SH3GLB1: variants seen among roughly 807,000 people sequenced by gnomAD.
SH3GLB1 encodes SH3 domain containing GRB2 like, endophilin B1.
SH3GLB1 carries 17 observed loss-of-function variants against 42.0 expected under a neutral mutation model. The ratio of observed to expected loss-of-function variants is 0.40; its 90% CI spans 0.28 to 0.61. The LOEUF is 0.61. Among genes scored for constraint, SH3GLB1 ranks in the 20% least tolerant of loss-of-function variants. The pLI, the probability that SH3GLB1 is intolerant of heterozygous loss-of-function variation, is 0.36. For missense variants in SH3GLB1, 355 were observed against 426.3 expected, an observed-to-expected ratio of 0.83 and a Z score of 1.47; for synonymous variants, 132 against 146.6, an observed-to-expected ratio of 0.90 and a Z score of 0.72.
chr1:86,719,939 T>C (rs972030342), intron 3 of SH3GLB1, among the ~76,000 whole-genome samples: 3 of 136,586 alleles, frequency 2.2e-5, no homozygotes, highest in Non-Finnish European at 4.5e-5. Context: ...GAGCTTGCAG[T>C]GAGCCAAGAT....
chr1:86,724,483 C>A, intron 5 of SH3GLB1, 78 bp downstream of exon 5: 1 of 1,125,572 alleles, frequency 8.9e-7, no homozygotes, highest in Admixed American at 2.6e-5. Flanking sequence ...ATGAAAGATA[C>A]AGACTATTAA....
intron 1 of SH3GLB1, among the ~76,000 whole-genome samples, chr1:86,715,143 A>G (rs1029859024): frequency 1.3e-5 from 2 of 152,208 alleles, no homozygotes; most frequent in Admixed American, 6.5e-5. Context: ...TTAAAGTGCT[A>G]ATAAGACATA....
intron 3 of SH3GLB1, 77 bp from the exon 4 acceptor site, chr1:86,722,463 T>C (rs1654919658): frequency 7.3e-6 from 10 of 1,374,218 alleles, no homozygotes; most frequent in South Asian, 3.1e-5. Flanking sequence ...ACAGACCAAA[T>C]TGCTGATTTA....
chr1:86,724,892 A>AAAAAAAAAAAATATATATATATATATAT (rs1291454820), intron 5 of SH3GLB1, among the ~76,000 whole-genome samples: 1 of 99,700 alleles, frequency 1.0e-5, no homozygotes, highest in South Asian at 3.0e-4. Flanking sequence ...AAAAAAAAAA[A>AAAAAAAAAAAATATATATATATATATAT]ATATATATAT....
At chr1:86,736,430 A>T (rs1206174401) in intron 7 of SH3GLB1, among the ~76,000 whole-genome samples, 1 of 152,236 alleles carries the variant, frequency 6.6e-6, no homozygotes, top group African/African-American at 2.4e-5. Flanking sequence ...CCTAATCATT[A>T]GTTATTTTAA....
intron 4 of SH3GLB1, among the ~76,000 whole-genome samples, chr1:86,723,274 G>A (rs1427890040): frequency 4.6e-5 from 7 of 152,164 alleles, no homozygotes; most frequent in African/African-American, 1.7e-4. Context: ...CACTTTGGGA[G>A]GTCAAGGTGG....
At chr1:86,709,981 T>C (rs1346771050) in intron 1 of SH3GLB1, among the ~76,000 whole-genome samples, 1 of 152,204 alleles carries the variant, frequency 6.6e-6, no homozygotes, top group Non-Finnish European at 1.5e-5. Context: ...TCCTATTTCT[T>C]TTACAGAATT....
At chr1:86,730,180 T>C in intron 5 of SH3GLB1, 1 of 1,540,992 alleles carries the variant, frequency 6.5e-7, no homozygotes, top group East Asian at 2.4e-5. Context: ...TAAATATGTA[T>C]TGGGCAACAA....
In SH3GLB1 at chr1:86,745,203, AT is replaced by A; in HGVS notation, c.*1969del. On this transcript the variant is annotated 3_prime_UTR_variant, in exon 9 of 9. Transcript: ENST00000370558. ...TTGTGCTCTTTAAGCTTCAAATGAG[AT>A]GTATAACTGCCTTTTCCTTACCAGT... 6.6e-6 allele frequency: 1 copy of A among 152,228 alleles called. No homozygotes were observed. Among genetic ancestry groups the A allele is most frequent in the Non-Finnish European group, 1.5e-5 (1 of 68,032 alleles). The allele number at this position is 152,228 out of a possible 1,614,324, so 9.4% of individuals were successfully genotyped here.
chr1:86,741,039 T>C (rs1656036378), intron 7 of SH3GLB1, among the ~76,000 whole-genome samples: 1 of 152,096 alleles, frequency 6.6e-6, no homozygotes, highest in Non-Finnish European at 1.5e-5. Context: ...TGTGCTATAG[T>C]TGAATAACAT....
intron 7 of SH3GLB1, among the ~76,000 whole-genome samples, chr1:86,736,243 A>T (rs765477505): frequency 1.3e-5 from 2 of 152,184 alleles, no homozygotes; most frequent in Admixed American, 6.5e-5. Context: ...GGAACCATTA[A>T]AGCAGGGGAG....
intron 5 of SH3GLB1, among the ~76,000 whole-genome samples, chr1:86,731,446 C>T (rs1299767642): frequency 1.3e-5 from 2 of 152,130 alleles, no homozygotes; most frequent in Non-Finnish European, 2.9e-5. Context: ...GCTCTTATCC[C>T]CCCTTTGTGA....
intron 7 of SH3GLB1, among the ~76,000 whole-genome samples, chr1:86,737,540 A>C (rs1457580902): frequency 6.6e-6 from 1 of 152,196 alleles, no homozygotes; most frequent in Non-Finnish European, 1.5e-5. Context: ...AGGTGGTCTT[A>C]ATTTTAGAGA....
Position 86,746,136 on chromosome 1 carries a change from C to T in SH3GLB1, c.*2901C>T, listed in dbSNP as rs1159770712. The T allele has an allele frequency of 6.6e-6, 1 of 152,574 alleles. No homozygotes were observed. Among genetic ancestry groups the T allele is most frequent in the Non-Finnish European group, 1.5e-5 (1 of 68,032 alleles). The allele number at this position is 152,574 out of a possible 1,614,324, so 9.5% of individuals were successfully genotyped here. A position where few individuals can be genotyped will look rare whatever the true frequency, so the allele number is the denominator to read the frequency against. The stretch of plus-strand genomic sequence containing the variant: ...AAATAAATCCTGAGGCCAGGATCAC[C>T]AGTGGGGTAGAGTCATCTTCATAGT... On this transcript the variant is annotated 3_prime_UTR_variant, in exon 9 of 9. Coordinates refer to ENST00000370558, the MANE Select transcript of SH3GLB1 (RefSeq NM_016009.5).
At chr1:86,726,335 A>G (rs1655192785) in intron 5 of SH3GLB1, among the ~76,000 whole-genome samples, 1 of 152,086 alleles carries the variant, frequency 6.6e-6, no homozygotes, top group Non-Finnish European at 1.5e-5. Context: ...ACAGTGTACA[A>G]AGTCCTTTAA....
chr1:86,704,678 C>G lies in SH3GLB1; in HGVS notation c.-222C>G. On this transcript the variant is annotated 5_prime_UTR_variant, in exon 1 of 9. Coordinates refer to ENST00000370558, the MANE Select transcript of SH3GLB1 (RefSeq NM_016009.5). ...CGTTAGCGGCCGTTCTCCGAGCCGA[C>G]TGACCCATCCTTGGCGCTGCCGCCG... The G allele has an allele frequency of 2.4e-6, 1 of 410,850 alleles. No homozygotes were observed. Among genetic ancestry groups the G allele is most frequent in the South Asian group, 3.4e-5 (1 of 29,624 alleles). The allele number at this position is 410,850 out of a possible 1,614,324, so 25.5% of individuals were successfully genotyped here. A position where few individuals can be genotyped will look rare whatever the true frequency, so the allele number is the denominator to read the frequency against.
intron 7 of SH3GLB1, among the ~76,000 whole-genome samples, chr1:86,740,314 A>G (rs1655995636): frequency 2.6e-5 from 4 of 152,242 alleles, no homozygotes; most frequent in Admixed American, 2.6e-4. Context: ...AAGTGAATGG[A>G]GTAGAGAAAT....
rs58927851 is a variant in SH3GLB1, at chr1:86,724,892, A to AAT, written c.570+507_570+508dup. On this transcript the variant is annotated intron_variant, in intron 5 of 8. Coordinates refer to ENST00000370558, the MANE Select transcript of SH3GLB1 (RefSeq NM_016009.5). Reference sequence around the variant, plus strand: ...CTGTCTTTAAAAAAAAAAAAAAAAAAATATATATATATATATATATAAAAT... The same window carrying AAT: ...CTGTCTTTAAAAAAAAAAAAAAAAAAATATATATATATATATATATATAAAAT... Among the ~76,000 whole-genome samples, 1,407 of 99,620 alleles carry AAT rather than the reference A, an allele frequency of 0.014. 74 individuals carry two copies. In the East Asian group the frequency reaches 0.18, roughly 13 times the overall value. The allele number at this position is 99,620 out of a possible 152,430, so 65.4% of individuals were successfully genotyped here.
chr1:86,715,839 CTGAAG>C lies in SH3GLB1; in HGVS notation c.191_195del (p.Glu64ValfsTer16). On this transcript the variant is annotated frameshift_variant, in exon 2 of 9. Transcript: ENST00000370558. LOFTEE classifies it high-confidence loss of function. ...TGGACAGAAAAAATAATGAAACAAACTGAAGTGTTATTGCAGCCAAATCCAAGTAA... is the reference window on the plus strand; with the variant it reads ...TGGACAGAAAAAATAATGAAACAAACTGTTATTGCAGCCAAATCCAAGTAA... 1 of 1,611,856 alleles carries C rather than the reference CTGAAG, an allele frequency of 6.2e-7. No homozygotes were observed.
Sources: allele counts gnomAD v4.1 joint callset (sites outside exome capture counted in the v4.1 genomes callset), GRCh38; gene constraint gnomAD v4.1.1; transcripts MANE v1.5; gene names NCBI Gene and HGNC (gene_info 2026-07-23, HGNC 2026-07-21).